Variants in RIT2 observed in about 807,000 individuals in gnomAD.
RIT2 encodes the protein GTP-binding protein Rit2.
Under a neutral mutation model 23.7 loss-of-function variants are expected in RIT2, and 24 were observed. The ratio of observed to expected loss-of-function variants is 1.01; its 90% CI spans 0.73 to 1.43. RIT2 has a LOEUF of 1.43. Ranked by LOEUF, RIT2 falls within the 40% of genes most tolerant of loss-of-function variation. The probability of loss-of-function intolerance (pLI) is 0.00; values close to 1 mark genes in which losing one functional copy is unlikely to be tolerated. For synonymous variants in RIT2, 107 were observed against 91.1 expected (o/e 1.17, Z -0.99); for missense variants, 236 against 266.9 (o/e 0.88, Z 0.81).
chr18:42,972,774 C>CA (rs1174791804), intron 3 of RIT2, among the ~76,000 whole-genome samples: 2 of 151,552 alleles, frequency 1.3e-5, no homozygotes, highest in African/African-American at 4.8e-5. Context: ...CATTTTGATC[C>CA]AAAATCAATA....
chr18:42,926,284 A>G (rs1171239005), intron 3 of RIT2, among the ~76,000 whole-genome samples: 1 of 151,948 alleles, frequency 6.6e-6, no homozygotes, highest in African/African-American at 2.4e-5. Flanking sequence ...TAGAATTGAA[A>G]CATCATGTTC....
At chr18:43,042,245 A>G (rs1912145126) in intron 1 of RIT2, among the ~76,000 whole-genome samples, 1 of 152,196 alleles carries the variant, frequency 6.6e-6, no homozygotes, top group Non-Finnish European at 1.5e-5. Flanking sequence ...AAAAATGTGA[A>G]GAGGGAAGAG....
At chr18:42,787,689 CAT>C (rs1485290530) in intron 4 of RIT2, among the ~76,000 whole-genome samples, 1 of 152,074 alleles carries the variant, frequency 6.6e-6, no homozygotes, top group Non-Finnish European at 1.5e-5. Context: ...AGGAGACAAG[CAT>C]ATGTCTTTCC....
intron 4 of RIT2, among the ~76,000 whole-genome samples, chr18:42,838,551 A>AG (rs5824455): frequency 0.22 from 33,872 of 151,970 alleles, 4,397 homozygotes; most frequent in East Asian, 0.42. Flanking sequence ...TTAAATTTAT[A>AG]GTGAGAAAAC....
intron 4 of RIT2, among the ~76,000 whole-genome samples, chr18:42,814,293 A>T (rs1432379364): frequency 3.9e-5 from 6 of 152,276 alleles, no homozygotes; most frequent in Admixed American, 3.3e-4. Flanking sequence ...CATACTTGCT[A>T]TTGCAGCTGG....
At chr18:42,838,232 G>A (rs1342625740) in intron 4 of RIT2, among the ~76,000 whole-genome samples, 1 of 151,842 alleles carries the variant, frequency 6.6e-6, no homozygotes, top group African/African-American at 2.4e-5. Context: ...TAACTGCATA[G>A]GATTTATGTG....
chr18:43,008,029 T>A (rs8097693), intron 2 of RIT2, among the ~76,000 whole-genome samples: 1 of 151,642 alleles, frequency 6.6e-6, no homozygotes, highest in East Asian at 2.0e-4. Context: ...ATTGTGTGTC[T>A]TTGGATCAAG....
At chr18:42,867,676 C>T (rs989661477) in intron 4 of RIT2, among the ~76,000 whole-genome samples, 3 of 151,910 alleles carry the variant, frequency 2.0e-5, no homozygotes, top group African/African-American at 4.8e-5. Flanking sequence ...AGCCTGTAGT[C>T]CCAGCTACTC....
intron 4 of RIT2, among the ~76,000 whole-genome samples, chr18:42,867,163 A>C (rs886641827): frequency 2.0e-5 from 3 of 152,148 alleles, no homozygotes; most frequent in African/African-American, 7.2e-5. Context: ...CAACTCTACT[A>C]ACATGAGAAC....
At chr18:42,879,804 C>G (rs1568019751) in intron 4 of RIT2, among the ~76,000 whole-genome samples, 1 of 152,152 alleles carries the variant, frequency 6.6e-6, no homozygotes, top group East Asian at 1.9e-4. Flanking sequence ...TTAATAAACT[C>G]TAAGTGGTTG....
chr18:42,773,244 ACT>A (rs1358299291), intron 4 of RIT2, among the ~76,000 whole-genome samples: 19 of 152,164 alleles, frequency 1.2e-4, no homozygotes, highest in African/African-American at 4.3e-4. Context: ...GACATCTCTG[ACT>A]CTCTGAGAAA....
At chr18:42,771,131 T>A (rs931719805) in intron 4 of RIT2, among the ~76,000 whole-genome samples, 9 of 152,172 alleles carry the variant, frequency 5.9e-5, no homozygotes, top group South Asian at 4.1e-4. Flanking sequence ...AATTTTTTTT[T>A]ATTTAAATAT....
At chr18:42,879,895 G>T (rs945317489) in intron 4 of RIT2, among the ~76,000 whole-genome samples, 1 of 152,080 alleles carries the variant, frequency 6.6e-6, no homozygotes, top group Non-Finnish European at 1.5e-5. Context: ...GTATTTATAG[G>T]TATTACATGC....
intron 4 of RIT2, among the ~76,000 whole-genome samples, chr18:42,800,124 A>AT (rs1905484623): frequency 6.6e-6 from 1 of 152,126 alleles, no homozygotes; most frequent in Non-Finnish European, 1.5e-5. Flanking sequence ...AATGGCATTT[A>AT]TTTTTTAAAA....
intron 2 of RIT2, among the ~76,000 whole-genome samples, chr18:43,008,656 TA>T (rs1023368293): frequency 8.6e-4 from 131 of 151,692 alleles, no homozygotes; most frequent in African/African-American, 3.0e-3. Flanking sequence ...CATTATGAAA[TA>T]AACCTTACAC....
intron 4 of RIT2, among the ~76,000 whole-genome samples, chr18:42,916,079 C>T (rs183929742): frequency 6.6e-6 from 1 of 152,158 alleles, no homozygotes; most frequent in Non-Finnish European, 1.5e-5. Context: ...GGCTCTCTAA[C>T]TTTAGCATAC....
At chr18:43,098,007 G>A (rs1913595361) in intron 1 of RIT2, among the ~76,000 whole-genome samples, 1 of 151,998 alleles carries the variant, frequency 6.6e-6, no homozygotes, top group Admixed American at 6.6e-5. Context: ...TGTAGCTAAA[G>A]TGCTAGCTAT....
chr18:42,959,046 C>A (rs939131210), intron 3 of RIT2, among the ~76,000 whole-genome samples: 1 of 152,160 alleles, frequency 6.6e-6, no homozygotes, highest in Non-Finnish European at 1.5e-5. Flanking sequence ...TCCCTATGCA[C>A]AGTTGCAATT....
At chr18:42,772,223 C>T (rs1209166561) in intron 4 of RIT2, among the ~76,000 whole-genome samples, 2 of 152,132 alleles carry the variant, frequency 1.3e-5, no homozygotes, top group African/African-American at 4.8e-5. Flanking sequence ...AGTGCTTCCT[C>T]TTCCTTCAGA....
Sources: allele counts gnomAD v4.1 joint callset (sites outside exome capture counted in the v4.1 genomes callset), GRCh38; gene constraint gnomAD v4.1.1; transcripts MANE v1.5; gene names NCBI Gene and HGNC (gene_info 2026-07-23, HGNC 2026-07-21).